OR9Q1: variants seen among roughly 807,000 people sequenced by gnomAD.
OR9Q1 encodes the protein olfactory receptor 9Q1.
For synonymous variants in OR9Q1, 153 were observed against 148.6 expected (o/e 1.03, Z -0.22); for missense variants, 374 against 378.8 (o/e 0.99, Z 0.11).
chr11:58,048,628 C>T (rs947009551), intron 1 of OR9Q1, among the ~76,000 whole-genome samples: 17 of 148,790 alleles, frequency 1.1e-4, no homozygotes, highest in Non-Finnish European at 2.2e-4. Flanking sequence ...GAGATCGCAC[C>T]ACTGCACTCC....
At chr11:58,151,100 G>A (rs543811280) in intron 2 of OR9Q1, among the ~76,000 whole-genome samples, 5 of 152,282 alleles carry the variant, frequency 3.3e-5, no homozygotes, top group African/African-American at 1.2e-4. Flanking sequence ...TATGCCACAT[G>A]CAAGTTAAGG....
intron 2 of OR9Q1, chr11:58,073,248 GCTCT>G: frequency 4.6e-6 from 1 of 218,616 alleles, no homozygotes; most frequent in Non-Finnish European, 1.1e-5. Context: ...GACTCAATAA[GCTCT>G]CTCTGTCCAT....
intron 2 of OR9Q1, among the ~76,000 whole-genome samples, chr11:58,133,584 G>C (rs893783191): frequency 6.6e-6 from 1 of 152,234 alleles, no homozygotes; most frequent in Non-Finnish European, 1.5e-5. Context: ...ACATGGAACT[G>C]ATAATGCCTT....
chr11:58,089,024 C>T (rs893903535), intron 2 of OR9Q1, among the ~76,000 whole-genome samples: 1 of 151,474 alleles, frequency 6.6e-6, no homozygotes, highest in African/African-American at 2.4e-5. Context: ...TTACAGGTGC[C>T]CGTCACCAGG....
chr11:58,101,205 A>G (rs1173055181), intron 2 of OR9Q1, among the ~76,000 whole-genome samples: 3 of 152,030 alleles, frequency 2.0e-5, no homozygotes, highest in African/African-American at 7.2e-5. Context: ...TCCTTAAGAA[A>G]TCTTTATACT....
intron 1 of OR9Q1, among the ~76,000 whole-genome samples, chr11:58,052,686 C>A (rs1208986139): frequency 1.5e-5 from 2 of 134,064 alleles, no homozygotes; most frequent in African/African-American, 5.6e-5. Flanking sequence ...AGAAAATTTT[C>A]ACAACCTACT....
chr11:58,042,505 A>G (rs1432006825), intron 1 of OR9Q1, among the ~76,000 whole-genome samples: 1 of 151,570 alleles, frequency 6.6e-6, no homozygotes, highest in Non-Finnish European at 1.5e-5. Context: ...ATTGATCTAT[A>G]TCACTGTTTT....
chr11:58,035,490 T>C (rs914351163), intron 1 of OR9Q1, among the ~76,000 whole-genome samples: 4 of 152,188 alleles, frequency 2.6e-5, no homozygotes, highest in Admixed American at 2.0e-4. Context: ...AAAAAGACAA[T>C]TATAATTCAG....
intron 2 of OR9Q1, among the ~76,000 whole-genome samples, chr11:58,176,896 T>A (rs1854611816): frequency 6.6e-6 from 1 of 152,086 alleles, no homozygotes; most frequent in African/African-American, 2.4e-5. Flanking sequence ...CTCCAAGCAG[T>A]GGGTGAGAAA....
chr11:58,047,717 C>A (rs1304403251), intron 1 of OR9Q1, among the ~76,000 whole-genome samples: 7 of 144,064 alleles, frequency 4.9e-5, no homozygotes, highest in Non-Finnish European at 3.0e-5. Context: ...ACTAATGATA[C>A]AAAAAAAAAA....
rs145728453 is a variant in OR9Q1 at position 58,158,801 on chromosome 11, C to T, written c.-14-20630C>T. On this transcript the variant is annotated intron_variant, in intron 2 of 2. Transcript: ENST00000335397. The stretch of plus-strand genomic sequence containing the variant: ...GACTTGTACTATATACAATTGGGAA[C>T]TGTGATTAGCCACATTCTGTCATGT... Among the ~76,000 whole-genome samples the T allele has an allele frequency of 8.9e-3, 1,352 of 152,252 alleles. 16 individuals carry two copies. Among genetic ancestry groups the T allele is most frequent in the South Asian group, 0.01 (49 of 4,826 alleles).
At chr11:58,174,794 A>G (rs1433007642) in intron 2 of OR9Q1, among the ~76,000 whole-genome samples, 1 of 151,718 alleles carries the variant, frequency 6.6e-6, no homozygotes, top group East Asian at 1.9e-4. Flanking sequence ...CAAGGTCTAA[A>G]TTGAAACTCT....
At chr11:58,071,661 C>G (rs1853489030) in intron 2 of OR9Q1, among the ~76,000 whole-genome samples, 1 of 152,130 alleles carries the variant, frequency 6.6e-6, no homozygotes, top group Non-Finnish European at 1.5e-5. Flanking sequence ...AGCCTCACAA[C>G]AACATACTAC....
chr11:58,035,645 C>T (rs1853094094), intron 1 of OR9Q1, among the ~76,000 whole-genome samples: 1 of 152,076 alleles, frequency 6.6e-6, no homozygotes, highest in Non-Finnish European at 1.5e-5. Flanking sequence ...TCCTTAGGGG[C>T]CAGTAATGAG....
At chr11:58,042,042 A>G (rs1233245048) in intron 1 of OR9Q1, among the ~76,000 whole-genome samples, 1 of 152,244 alleles carries the variant, frequency 6.6e-6, no homozygotes, top group African/African-American at 2.4e-5. Flanking sequence ...TTCAGGCATC[A>G]GCCAATTTAG....
chr11:58,077,186 A>T (rs1241466769), intron 2 of OR9Q1, among the ~76,000 whole-genome samples: 2 of 152,150 alleles, frequency 1.3e-5, no homozygotes, highest in East Asian at 3.9e-4. Flanking sequence ...GAATAGATTA[A>T]AAAAGGCAGA....
chr11:58,082,012 T>G lies in OR9Q1; in HGVS notation c.-15+26065T>G, dbSNP rs560610118. Among the ~76,000 whole-genome samples the G allele has an allele frequency of 8.6e-5, 13 of 151,906 alleles. No homozygotes were observed. The East Asian group carries it at 2.3e-3, about 27-fold the overall frequency. On this transcript the variant is annotated intron_variant, in intron 2 of 2. Transcript: ENST00000335397. Reference sequence around the variant, plus strand: ...TGCAGCCAAAAGACACATGAAAAAATGCTCATCATCACTGGCCATCAGAGA... The same window carrying G: ...TGCAGCCAAAAGACACATGAAAAAAGGCTCATCATCACTGGCCATCAGAGA...
At chr11:58,109,523 T>A (rs1332075548) in intron 2 of OR9Q1, 2 of 459,182 alleles carry the variant, frequency 4.4e-6, no homozygotes, top group African/African-American at 4.0e-5. Flanking sequence ...TGGATTAGAA[T>A]GATCATCCCC....
At chr11:58,177,739 A>C (rs1854619027) in intron 2 of OR9Q1, among the ~76,000 whole-genome samples, 2 of 152,230 alleles carry the variant, frequency 1.3e-5, no homozygotes, top group Non-Finnish European at 2.9e-5. Flanking sequence ...AAATAAAAGT[A>C]ATTCATTGAA....
Sources: allele counts gnomAD v4.1 joint callset (sites outside exome capture counted in the v4.1 genomes callset), GRCh38; gene constraint gnomAD v4.1.1; transcripts MANE v1.5; gene names NCBI Gene and HGNC (gene_info 2026-07-23, HGNC 2026-07-21).